The following RRM1 variants were observed in gnomAD, a reference collection of about 807,000 sequenced individuals.
RRM1 encodes the protein ribonucleoside-diphosphate reductase large subunit.
A neutral mutation model predicts 101.5 loss-of-function variants in RRM1; 19 were observed. That is an observed-to-expected ratio of 0.19 (90% confidence interval 0.13 to 0.27). The LOEUF (loss-of-function observed/expected upper bound fraction) is 0.27, where lower values mean the gene tolerates loss of function less well. Among genes scored for constraint, RRM1 ranks in the 10% least tolerant of loss-of-function variants. The pLI, the probability that RRM1 is intolerant of heterozygous loss-of-function variation, is 1.00. For synonymous variants in RRM1, 298 were observed against 323.4 expected, an observed-to-expected ratio of 0.92 and a Z score of 0.84; for missense variants, 500 against 962.9, an observed-to-expected ratio of 0.52 and a Z score of 6.36.
intron 17 of RRM1, among the ~76,000 whole-genome samples, 180 bp downstream of exon 17, chr11:4,133,838 C>T (rs1374073750): frequency 6.6e-6 from 1 of 152,090 alleles, no homozygotes; most frequent in Non-Finnish European, 1.5e-5. Flanking sequence ...ATAACCCTTA[C>T]CATCTTGTTT....
intron 1 of RRM1, among the ~76,000 whole-genome samples, chr11:4,096,652 AT>A (rs1172109558): frequency 6.6e-6 from 1 of 151,848 alleles, no homozygotes; most frequent in Non-Finnish European, 1.5e-5. Context: ...TTGTATTTTT[AT>A]TTTTTTACAT....
intron 1 of RRM1, among the ~76,000 whole-genome samples, chr11:4,096,559 C>T (rs1003940258): frequency 6.6e-6 from 1 of 152,202 alleles, no homozygotes; most frequent in African/African-American, 2.4e-5. Context: ...TTTCCTAGCT[C>T]ACATTTTAGC....
intron 4 of RRM1, among the ~76,000 whole-genome samples, 187 bp downstream of exon 4, chr11:4,107,722 T>C (rs1314412275): frequency 6.6e-6 from 1 of 152,234 alleles, no homozygotes; most frequent in African/African-American, 2.4e-5. Flanking sequence ...AGCTATTTTG[T>C]ACATACGTGT....
chr11:4,138,168 T>C, intron 18 of RRM1, 27 bp from the exon 19 acceptor site: 1 of 1,343,326 alleles, frequency 7.4e-7, no homozygotes, highest in Non-Finnish European at 1.0e-6. Flanking sequence ...GAGTTTCTCC[T>C]AATAATTGTC....
At chr11:4,128,800 A>T (rs1381887534) in intron 14 of RRM1, among the ~76,000 whole-genome samples, 2 of 152,216 alleles carry the variant, frequency 1.3e-5, no homozygotes, top group African/African-American at 4.8e-5. Flanking sequence ...AAAAAAGAGA[A>T]TGTGTCAGCC....
At chr11:4,098,825 G>A (rs1002938880) in intron 1 of RRM1, among the ~76,000 whole-genome samples, 1 of 152,172 alleles carries the variant, frequency 6.6e-6, no homozygotes, top group Non-Finnish European at 1.5e-5. Context: ...GTTAATTTCA[G>A]ATACTGATTA....
rs1662173 is a variant in RRM1 at position 4,106,419 on chromosome 11, C to G, written c.286+196C>G. Among the ~76,000 whole-genome samples the G allele has an allele frequency of 0.39, 59,405 of 151,920 alleles. 14,255 individuals carry two copies. The highest frequency in any genetic ancestry group is 0.54 in the Non-Finnish European group (36,454 of 67,930). Reference sequence around the variant, plus strand: ...TTTGAGACCAGCCTGGGCAATGTGGCGAAACCCCATCTCTACGTTTTAAGA... The same window carrying G: ...TTTGAGACCAGCCTGGGCAATGTGGGGAAACCCCATCTCTACGTTTTAAGA... On this transcript the variant is annotated intron_variant, in intron 3 of 18. Coordinates refer to ENST00000300738, the MANE Select transcript of RRM1 (RefSeq NM_001033.5).
chr11:4,116,127 G>T (rs2094572918), intron 7 of RRM1: 1 of 152,296 alleles, frequency 6.6e-6, no homozygotes. Flanking sequence ...TGGATGCTGG[G>T]TGAGGAGTGG....
intron 7 of RRM1, among the ~76,000 whole-genome samples, chr11:4,117,451 A>G (rs1010590128): frequency 2.6e-5 from 4 of 152,254 alleles, no homozygotes; most frequent in Non-Finnish European, 5.9e-5. Context: ...AGAATACCTT[A>G]TAGCAATGAA....
chr11:4,132,200 T>A lies in RRM1; in HGVS notation c.1770-86T>A, dbSNP rs2094601714. Reference sequence around the variant, plus strand: ...TACATTTACATTTACTACATTTATCTACATTTACTACAGTGACTTAAAGTA... The same window carrying A: ...TACATTTACATTTACTACATTTATCAACATTTACTACAGTGACTTAAAGTA... On this transcript the variant is annotated intron_variant, in intron 15 of 18. Transcript: ENST00000300738. This position sits in a 1 kb window ranked among gnomAD's most constrained non-coding sequence, Gnocchi z 4.1. 4.7e-6 allele frequency: 6 copies of A among 1,286,282 alleles called. No individual in the cohort carries two copies. The highest frequency in any genetic ancestry group is 4.6e-5 in the East Asian group (2 of 43,144). The allele number at this position is 1,286,282 out of a possible 1,614,324, so 79.7% of individuals were successfully genotyped here. A position where few individuals can be genotyped will look rare whatever the true frequency, so the allele number is the denominator to read the frequency against.
intron 1 of RRM1, among the ~76,000 whole-genome samples, chr11:4,096,713 G>A (rs941974667): frequency 1.3e-5 from 2 of 151,494 alleles, no homozygotes; most frequent in African/African-American, 4.9e-5. Flanking sequence ...ATGTTGCCCA[G>A]GCTTGTCTTG....
chr11:4,130,098 T>A (rs1312667792), intron 15 of RRM1, among the ~76,000 whole-genome samples: 468 of 46,208 alleles, frequency 0.01, 6 homozygotes, highest in East Asian at 0.063. Context: ...TTTTTTTTTT[T>A]TTTTTTCCCC....
intron 7 of RRM1, 84 bp downstream of exon 7, chr11:4,112,146 T>G (rs2094566475): frequency 2.1e-6 from 2 of 973,438 alleles, no homozygotes; most frequent in Non-Finnish European, 3.1e-6. Context: ...TTTAATGACC[T>G]TTTAGTAGCT....
At chr11:4,105,625 G>C (rs923236239) in intron 2 of RRM1, 1 of 368,396 alleles carries the variant, frequency 2.7e-6, no homozygotes, top group African/African-American at 2.9e-5. Flanking sequence ...CTGCCACCCA[G>C]GCTGGAGTGC....
chr11:4,097,054 G>A (rs1242897346), intron 1 of RRM1, among the ~76,000 whole-genome samples: 1 of 151,846 alleles, frequency 6.6e-6, no homozygotes, highest in African/African-American at 2.4e-5. Context: ...GGAGGCTGAG[G>A]TGGGTGGATC....
chr11:4,102,335 T>G (rs1221004075), intron 2 of RRM1, among the ~76,000 whole-genome samples: 1 of 152,196 alleles, frequency 6.6e-6, no homozygotes, highest in East Asian at 1.9e-4. Context: ...TATCAGATAT[T>G]TCCTTGAGTA....
chr11:4,095,735 C>A (rs879603799), intron 1 of RRM1, among the ~76,000 whole-genome samples: 6 of 152,158 alleles, frequency 3.9e-5, no homozygotes, highest in Admixed American at 3.9e-4. Context: ...TCTTTCTCAA[C>A]AGTTCTTTTT....
rs2133323299 is a variant in RRM1, at chr11:4,132,987, G to T, written c.1905+566G>T. 6.6e-6 allele frequency among the ~76,000 whole-genome samples: 1 copy of T among 152,232 alleles called. No individual in the cohort carries two copies. The highest frequency in any genetic ancestry group is 2.1e-4 in the South Asian group (1 of 4,812). On this transcript the variant is annotated intron_variant, in intron 16 of 18. Coordinates refer to ENST00000300738, the MANE Select transcript of RRM1 (RefSeq NM_001033.5). This position sits in a 1 kb window ranked among gnomAD's most constrained non-coding sequence, Gnocchi z 4.1. Reference sequence around the variant, plus strand: ...AATTTTTTTAACCTAAGTATTTATAGATTTACCCATCTTAGGCGCTATTCT... The same window carrying T: ...AATTTTTTTAACCTAAGTATTTATATATTTACCCATCTTAGGCGCTATTCT...
At chr11:4,128,395 A>G (rs1244990411) in intron 14 of RRM1, among the ~76,000 whole-genome samples, 1 of 152,174 alleles carries the variant, frequency 6.6e-6, no homozygotes, top group Non-Finnish European at 1.5e-5. Flanking sequence ...TACAGGCATG[A>G]ATCACTGCAC....
Sources: gnomAD v4.1 joint callset for allele counts (sites outside exome capture counted in the v4.1 genomes callset) on GRCh38, gnomAD v4.1.1 for gene constraint, Gnocchi (gnomAD v3.1) non-coding constraint, MANE v1.5 for transcripts, NCBI Gene and HGNC (gene_info 2026-07-23, HGNC 2026-07-21) for gene names.